Variants in CREM observed in about 807,000 individuals in gnomAD.
The protein encoded by CREM is cAMP responsive element modulator.
A neutral mutation model predicts 37.3 loss-of-function variants in CREM; 13 were observed. The ratio of observed to expected loss-of-function variants is 0.35; its 90% CI spans 0.23 to 0.55. The LOEUF (loss-of-function observed/expected upper bound fraction) is 0.55, where lower values mean the gene tolerates loss of function less well. Ranked by LOEUF, CREM falls within the 20% of genes least tolerant of loss-of-function variation. The probability of loss-of-function intolerance (pLI) is 0.88; values close to 1 mark genes in which losing one functional copy is unlikely to be tolerated. For synonymous variants in CREM, 124 were observed against 120.2 expected, an observed-to-expected ratio of 1.03 and a Z score of -0.21; for missense variants, 296 against 362.3, an observed-to-expected ratio of 0.82 and a Z score of 1.49.
intron 2 of CREM, among the ~76,000 whole-genome samples, chr10:35,143,296 A>G (rs1288370237): frequency 6.6e-6 from 1 of 152,150 alleles, no homozygotes; most frequent in Non-Finnish European, 1.5e-5. Context: ...ATGAGAAGCC[A>G]TGTTAGCTGA....
At chr10:35,151,733 T>C (rs978747595) in intron 3 of CREM, among the ~76,000 whole-genome samples, 9 of 152,222 alleles carry the variant, frequency 5.9e-5, no homozygotes, top group South Asian at 2.1e-4. Context: ...GCTAGAAATA[T>C]AGAGATTAAG....
At chr10:35,152,231 A>G (rs2092645339) in intron 3 of CREM, 1 of 152,240 alleles carries the variant, frequency 6.6e-6, no homozygotes, top group Non-Finnish European at 1.5e-5. Context: ...GATTCTTTGC[A>G]TCTAAGGTCA....
At chr10:35,137,714 A>G in intron 1 of CREM, 68 bp from the exon 2 acceptor site, 1 of 620,706 alleles carries the variant, frequency 1.6e-6, no homozygotes, top group Non-Finnish European at 2.6e-6. Flanking sequence ...TTTAAATAAA[A>G]TTTAATTTGA....
chr10:35,148,657 C>G, intron 3 of CREM, 166 bp downstream of exon 3: 1 of 753,106 alleles, frequency 1.3e-6, no homozygotes, highest in Non-Finnish European at 2.0e-6. Flanking sequence ...ATTAGCCTTG[C>G]ATTTTAACAG....
chr10:35,175,232 G>C (rs2093995245), intron 3 of CREM, among the ~76,000 whole-genome samples: 1 of 151,900 alleles, frequency 6.6e-6, no homozygotes, highest in Non-Finnish European at 1.5e-5. Flanking sequence ...CAGATCACAA[G>C]GTCAGGAGAT....
chr10:35,158,559 G>A (rs1428984383), intron 3 of CREM: 1 of 166,318 alleles, frequency 6.0e-6, no homozygotes, highest in Non-Finnish European at 1.3e-5. Flanking sequence ...AGCAGAACAA[G>A]GATGAAGTCT....
In CREM at chr10:35,184,605, A is replaced by G. The variant is rs1191002936; in HGVS notation, c.410-3595A>G. ...GTAGAAATGTTTTCTCACTAGAGCC[A>G]GTGTGTGAGGGGTGTGTGTGTGTGT... is the stretch of plus-strand genomic sequence containing the variant. On this transcript the variant is annotated intron_variant, in intron 5 of 7. Transcript: ENST00000685392. Among the ~76,000 whole-genome samples, 8 of 152,260 alleles carry G rather than the reference A, an allele frequency of 5.3e-5. No individual in the cohort carries two copies. The East Asian group carries it at 1.5e-3, about 29-fold the overall frequency.
At chr10:35,178,829 T>G (rs2094218151) in intron 3 of CREM, 60 bp from the exon 4 acceptor site, 4 of 1,404,532 alleles carry the variant, frequency 2.8e-6, no homozygotes, top group Non-Finnish European at 3.9e-6. Flanking sequence ...GCCTCAATTT[T>G]TTGAATGAGG....
intron 5 of CREM, among the ~76,000 whole-genome samples, chr10:35,181,989 T>C (rs957300831): frequency 6.6e-6 from 1 of 152,264 alleles, no homozygotes; most frequent in East Asian, 1.9e-4. Context: ...GAAATTATTC[T>C]GATGAGAAGT....
At chr10:35,168,726 T>G (rs2093667127) in intron 3 of CREM, among the ~76,000 whole-genome samples, 1 of 152,244 alleles carries the variant, frequency 6.6e-6, no homozygotes, top group Non-Finnish European at 1.5e-5. Context: ...TTTTTATGGT[T>G]TTAGGTCTAA....
intron 3 of CREM, chr10:35,171,163 T>TTTTC: frequency 8.2e-6 from 1 of 121,506 alleles, no homozygotes; most frequent in African/African-American, 3.9e-5. Flanking sequence ...AACCAAGCCT[T>TTTTC]TTTTTTTTTT....
At chr10:35,208,329 A>G (rs1288807847) in intron 7 of CREM, among the ~76,000 whole-genome samples, 5 of 152,084 alleles carry the variant, frequency 3.3e-5, no homozygotes, top group Non-Finnish European at 7.4e-5. Context: ...TATCTCTGTC[A>G]TTTTATTTTT....
chr10:35,209,133 A>G (rs570718045), intron 7 of CREM, among the ~76,000 whole-genome samples: 1 of 152,346 alleles, frequency 6.6e-6, no homozygotes, highest in African/African-American at 2.4e-5. Context: ...AGCATCAGGC[A>G]TCTCAAAAAT....
Position 35,211,565 on chromosome 10 carries a change from C to A in CREM, c.*167C>A. ...TGTTGTTCCAGGATGTGGAATGCAG[C>A]CGTGATCACACTTACCGAGCTTACT... On this transcript the variant is annotated 3_prime_UTR_variant, in exon 8 of 8. Coordinates refer to ENST00000685392, the MANE Select transcript of CREM (RefSeq NM_183011.2). 6.6e-7 allele frequency: 1 copy of A among 1,523,060 alleles called. No homozygotes were observed. The highest frequency in any genetic ancestry group is 2.0e-5 in the Admixed American group (1 of 51,226). The allele number at this position is 1,523,060 out of a possible 1,614,324, so 94.3% of individuals were successfully genotyped here. A position where few individuals can be genotyped will look rare whatever the true frequency, so the allele number is the denominator to read the frequency against.
intron 6 of CREM, among the ~76,000 whole-genome samples, chr10:35,192,341 TGTTTTGTTTC>T (rs1361451125): frequency 4.6e-5 from 7 of 152,128 alleles, no homozygotes; most frequent in Non-Finnish European, 1.0e-4. Flanking sequence ...GCACTTGTTT[TGTTTTGTTTC>T]GTTTTGTTTT....
At chr10:35,140,658 A>C (rs918709176) in intron 2 of CREM, among the ~76,000 whole-genome samples, 1 of 152,182 alleles carries the variant, frequency 6.6e-6, no homozygotes, top group Non-Finnish European at 1.5e-5. Flanking sequence ...GTTATAACAG[A>C]CTTGTAAATG....
intron 6 of CREM, among the ~76,000 whole-genome samples, chr10:35,204,354 C>T (rs2095466086): frequency 6.6e-6 from 1 of 152,164 alleles, no homozygotes; most frequent in African/African-American, 2.4e-5. Flanking sequence ...GTAATCTCAG[C>T]ACTTTGGGAG....
At chr10:35,129,546 C>T (rs2088889281) in intron 1 of CREM, among the ~76,000 whole-genome samples, 1 of 152,184 alleles carries the variant, frequency 6.6e-6, no homozygotes, top group African/African-American at 2.4e-5. Context: ...GTATTCCCTG[C>T]AAATTAAGTA....
At chr10:35,187,029 CATATAAT>C (rs1280588242) in intron 5 of CREM, among the ~76,000 whole-genome samples, 1 of 63,580 alleles carries the variant, frequency 1.6e-5, no homozygotes, top group African/African-American at 6.3e-5. Context: ...ATATATATCA[CATATAAT>C]ATATATTATA....
Sources: gnomAD v4.1 joint callset for allele counts (sites outside exome capture counted in the v4.1 genomes callset) on GRCh38, gnomAD v4.1.1 for gene constraint, MANE v1.5 for transcripts, NCBI Gene and HGNC (gene_info 2026-07-23, HGNC 2026-07-21) for gene names.